The following AGBL4 variants were observed in gnomAD, a reference collection of about 807,000 sequenced individuals.
AGBL4 encodes cytosolic carboxypeptidase 6.
In AGBL4, 58 loss-of-function variants were observed where a neutral mutation model predicts 66.4. The ratio of observed to expected loss-of-function variants is 0.87; its 90% CI spans 0.71 to 1.09. The LOEUF (loss-of-function observed/expected upper bound fraction) is 1.09. Ranked by LOEUF, AGBL4 falls within the 50% of genes least tolerant of loss-of-function variation. AGBL4 has a pLI of 0.00. For missense variants in AGBL4, 579 were observed against 631.0 expected, an observed-to-expected ratio of 0.92 and a Z score of 0.88; for synonymous variants, 234 against 222.9, an observed-to-expected ratio of 1.05 and a Z score of -0.44.
At chr1:49,692,470 G>A (rs933651823) in intron 3 of AGBL4, among the ~76,000 whole-genome samples, 1 of 152,102 alleles carries the variant, frequency 6.6e-6, no homozygotes, top group African/African-American at 2.4e-5. Flanking sequence ...TGTAATCCCA[G>A]CACTTTGGGA....
intron 5 of AGBL4, among the ~76,000 whole-genome samples, chr1:48,927,737 T>C (rs939157698): frequency 6.6e-6 from 1 of 152,144 alleles, no homozygotes; most frequent in Non-Finnish European, 1.5e-5. Flanking sequence ...AAAAGTGACA[T>C]AGAAACTAAG....
intron 6 of AGBL4, among the ~76,000 whole-genome samples, chr1:48,782,681 A>G (rs1645324455): frequency 6.6e-6 from 1 of 152,158 alleles, no homozygotes; most frequent in African/African-American, 2.4e-5. Context: ...CATACCTCCT[A>G]TCACCCACAC....
At chr1:48,747,251 T>TA (rs200469949) in intron 6 of AGBL4, among the ~76,000 whole-genome samples, 1,587 of 152,238 alleles carry the variant, frequency 0.01, 16 homozygotes, top group Middle Eastern at 0.034. Context: ...AATTTTTTTT[T>TA]AAAAAAGGGC....
intron 3 of AGBL4, among the ~76,000 whole-genome samples, chr1:49,411,587 A>C (rs1228388981): frequency 6.6e-6 from 1 of 152,240 alleles, no homozygotes; most frequent in Non-Finnish European, 1.5e-5. Context: ...AAGTAAAAGA[A>C]TAGCAAGGCT....
At chr1:49,590,037 G>A (rs1175121744) in intron 3 of AGBL4, among the ~76,000 whole-genome samples, 6 of 152,020 alleles carry the variant, frequency 3.9e-5, no homozygotes, top group Non-Finnish European at 7.4e-5. Context: ...CAGTCCATAT[G>A]AAAGTCACAT....
At chr1:48,583,361 G>A (rs922948498) in intron 11 of AGBL4, among the ~76,000 whole-genome samples, 3 of 152,134 alleles carry the variant, frequency 2.0e-5, no homozygotes, top group African/African-American at 7.2e-5. Context: ...ACTGCAACTC[G>A]GTGAGGTTAA....
At chr1:48,960,944 A>C (rs11205578) in intron 5 of AGBL4, among the ~76,000 whole-genome samples, 26,459 of 152,242 alleles carry the variant, frequency 0.17, 4,539 homozygotes, top group African/African-American at 0.44. Flanking sequence ...TAGGACCCTT[A>C]ATTGTTCTTG....
chr1:49,956,343 C>G (rs1003516139), intron 1 of AGBL4, among the ~76,000 whole-genome samples: 2 of 151,802 alleles, frequency 1.3e-5, no homozygotes, highest in Non-Finnish European at 2.9e-5. Flanking sequence ...ACATTTCTAC[C>G]TACTCTCTCC....
In AGBL4 at chr1:48,905,290, G is replaced by A. The variant is rs528465200; in HGVS notation, c.595-38060C>T. Among the ~76,000 whole-genome samples the A allele has an allele frequency of 2.0e-3, 302 of 152,266 alleles. 3 individuals carry two copies. The highest frequency in any genetic ancestry group is 1.6e-3 in the Non-Finnish European group (108 of 68,024). ...AAGAAGTTTATTTGTATGCTTGCAGGCCTTCTAATTTTACATTTACCACTT... is the reference window on the plus strand; with the variant it reads ...AAGAAGTTTATTTGTATGCTTGCAGACCTTCTAATTTTACATTTACCACTT... On this transcript the variant is annotated intron_variant, in intron 5 of 13. Transcript: ENST00000371839.
chr1:49,871,305 G>C (rs1646833461), intron 1 of AGBL4, among the ~76,000 whole-genome samples: 1 of 151,892 alleles, frequency 6.6e-6, no homozygotes, highest in African/African-American at 2.4e-5. Context: ...TTGCATATAA[G>C]ATTTGAGAGA....
At chr1:49,363,766 T>A (rs1286598028) in intron 3 of AGBL4, among the ~76,000 whole-genome samples, 1 of 152,236 alleles carries the variant, frequency 6.6e-6, no homozygotes, top group African/African-American at 2.4e-5. Flanking sequence ...TATTCTCATT[T>A]ATTCATTCAT....
intron 6 of AGBL4, among the ~76,000 whole-genome samples, chr1:48,770,119 C>A (rs1644739904): frequency 6.6e-6 from 1 of 152,212 alleles, no homozygotes; most frequent in African/African-American, 2.4e-5. Context: ...CCCACCAATG[C>A]CTGTGAATTC....
At chr1:49,898,238 T>C (rs1283006496) in intron 1 of AGBL4, among the ~76,000 whole-genome samples, 1 of 152,028 alleles carries the variant, frequency 6.6e-6, no homozygotes, top group Non-Finnish European at 1.5e-5. Context: ...ATAATCAGAA[T>C]GTAGAAAGAG....
intron 1 of AGBL4, among the ~76,000 whole-genome samples, chr1:49,917,458 A>C (rs1236059682): frequency 6.6e-6 from 1 of 152,180 alleles, no homozygotes; most frequent in East Asian, 1.9e-4. Flanking sequence ...AACAGACTTT[A>C]AACCAACAAA....
At chr1:48,590,469 T>C (rs1181915745) in intron 10 of AGBL4, among the ~76,000 whole-genome samples, 1 of 150,640 alleles carries the variant, frequency 6.6e-6, no homozygotes, top group Non-Finnish European at 1.5e-5. Flanking sequence ...GGTGGGAGGA[T>C]TACTTGATCT....
At chr1:49,877,581 T>C (rs1647057297) in intron 1 of AGBL4, among the ~76,000 whole-genome samples, 1 of 152,074 alleles carries the variant, frequency 6.6e-6, no homozygotes, top group Non-Finnish European at 1.5e-5. Flanking sequence ...TTGAGGATTT[T>C]TGCATCGATG....
chr1:50,006,477 T>G (rs1661141504), intron 1 of AGBL4, among the ~76,000 whole-genome samples: 1 of 151,820 alleles, frequency 6.6e-6, no homozygotes, highest in Admixed American at 6.6e-5. Flanking sequence ...GCAGATTTAA[T>G]CCAAAGAAGA....
intron 3 of AGBL4, among the ~76,000 whole-genome samples, chr1:49,673,111 G>C (rs1349244488): frequency 6.6e-6 from 1 of 152,070 alleles, no homozygotes; most frequent in Non-Finnish European, 1.5e-5. Flanking sequence ...CATGTTATTA[G>C]TTTCACATCT....
chr1:48,583,727 T>C (rs933916688), intron 11 of AGBL4: 1 of 152,140 alleles, frequency 6.6e-6, no homozygotes, highest in African/African-American at 2.4e-5. Flanking sequence ...GAGGACATTT[T>C]CTCCCAGACC....
Sources: allele counts gnomAD v4.1 joint callset (sites outside exome capture counted in the v4.1 genomes callset), GRCh38; gene constraint gnomAD v4.1.1; transcripts MANE v1.5; gene names NCBI Gene and HGNC (gene_info 2026-07-23, HGNC 2026-07-21).